The following IGF1 variants were observed in gnomAD, a reference collection of about 807,000 sequenced individuals.
IGF1 encodes the protein insulin-like growth factor 1.
A neutral mutation model predicts 13.8 loss-of-function variants in IGF1; 4 were observed. That is an observed-to-expected ratio of 0.29 (90% CI 0.14 to 0.66). The LOEUF (loss-of-function observed/expected upper bound fraction) is 0.66, where lower values mean the gene tolerates loss of function less well. IGF1 is among the 30% of genes least tolerant of loss of function. IGF1 has a pLI of 0.78. For missense variants in IGF1, 124 were observed against 188.5 expected (o/e 0.66, Z 2.00); for synonymous variants, 76 against 72.6 (o/e 1.05, Z -0.23).
At position 102,398,343 on chromosome 12, in the gene IGF1, G is replaced by A. The variant is rs1873397029; in HGVS notation, c.*4164C>T. ...AAGAATACCCAAGGGGGATTTGGCA[G>A]AAGCTATTTTTTGCAGGTAAATCTA... On this transcript the variant is annotated 3_prime_UTR_variant, in exon 4 of 4. Coordinates refer to ENST00000337514, the MANE Select transcript of IGF1 (RefSeq NM_000618.5). 6.6e-6 allele frequency: 1 copy of A among 152,554 alleles called. No homozygotes were observed. The allele number at this position is 152,554 out of a possible 1,614,324, so 9.5% of individuals were successfully genotyped here.
At chr12:102,436,041 T>C (rs1444529338) in intron 2 of IGF1, among the ~76,000 whole-genome samples, 1 of 152,236 alleles carries the variant, frequency 6.6e-6, no homozygotes, top group Non-Finnish European at 1.5e-5. Context: ...ACAGAAAGCC[T>C]TCATATCTCT....
chr12:102,448,253 G>A (rs1415261646), intron 2 of IGF1, among the ~76,000 whole-genome samples: 55 of 146,996 alleles, frequency 3.7e-4, no homozygotes, highest in Middle Eastern at 3.4e-3. Flanking sequence ...TGTTTATTGC[G>A]GCACTATTCA....
intron 2 of IGF1, among the ~76,000 whole-genome samples, chr12:102,446,460 A>T (rs1028904998): frequency 3.3e-5 from 5 of 152,038 alleles, no homozygotes; most frequent in African/African-American, 1.2e-4. Context: ...GGCAGGGTGT[A>T]TGTGTCCAGC....
At chr12:102,413,142 G>T (rs1051091067) in intron 3 of IGF1, among the ~76,000 whole-genome samples, 2 of 152,134 alleles carry the variant, frequency 1.3e-5, no homozygotes, top group Admixed American at 1.3e-4. Flanking sequence ...CATACAAACT[G>T]GATATTTCAA....
chr12:102,441,915 C>CCT (rs1877798660), intron 2 of IGF1, among the ~76,000 whole-genome samples: 1 of 122,140 alleles, frequency 8.2e-6, no homozygotes, highest in African/African-American at 3.1e-5. Flanking sequence ...TGCTTCTTCT[C>CCT]CTTCTTCTTC....
intron 2 of IGF1, among the ~76,000 whole-genome samples, chr12:102,450,075 A>T (rs1034801687): frequency 6.6e-6 from 1 of 152,162 alleles, no homozygotes; most frequent in Admixed American, 6.5e-5. Context: ...GAATGGAGAA[A>T]ATCCATCCTG....
At chr12:102,443,342 T>C (rs1418630373) in intron 2 of IGF1, among the ~76,000 whole-genome samples, 1 of 152,144 alleles carries the variant, frequency 6.6e-6, no homozygotes, top group Non-Finnish European at 1.5e-5. Flanking sequence ...GCTTTTTCTA[T>C]CTTCCTATTG....
intron 3 of IGF1, among the ~76,000 whole-genome samples, chr12:102,408,289 A>G (rs1238342469): frequency 2.0e-5 from 3 of 152,136 alleles, no homozygotes; most frequent in African/African-American, 7.2e-5. Context: ...GTGGAGGATG[A>G]TTTAGATGTC....
chr12:102,459,535 A>G (rs964932188), intron 2 of IGF1, among the ~76,000 whole-genome samples: 1 of 152,022 alleles, frequency 6.6e-6, no homozygotes, highest in Non-Finnish European at 1.5e-5. Flanking sequence ...GTAAGGCTAC[A>G]GCTTGTTTTG....
chr12:102,426,672 G>A (rs1214488434), intron 2 of IGF1, among the ~76,000 whole-genome samples: 2 of 152,142 alleles, frequency 1.3e-5, no homozygotes, highest in African/African-American at 4.8e-5. Context: ...TGTTACCTTT[G>A]ATTTGTCCCA....
chr12:102,417,078 C>A (rs1445443599), intron 3 of IGF1, among the ~76,000 whole-genome samples: 1 of 152,188 alleles, frequency 6.6e-6, no homozygotes, highest in Non-Finnish European at 1.5e-5. Context: ...AGGGCTGATA[C>A]TTTGATTTTG....
chr12:102,420,185 T>TACTAATGTGAA (rs1482942825), intron 2 of IGF1, among the ~76,000 whole-genome samples: 1 of 152,208 alleles, frequency 6.6e-6, no homozygotes, highest in Admixed American at 6.5e-5. Context: ...CTCCTCATTT[T>TACTAATGTGAA]ACTAATGTGA....
chr12:102,428,249 T>TACTATATTTACTATA lies in IGF1; in HGVS notation c.221-8560_221-8559insTATAGTAAATATAGT, dbSNP rs1555241583. ...AATCAATAATGTGTATATATATATA[T>TACTATATTTACTATA]GGCATATTAATGTTTCTAGCTAATA... is the stretch of plus-strand genomic sequence containing the variant. On this transcript the variant is annotated intron_variant, in intron 2 of 3. Coordinates refer to ENST00000337514, the MANE Select transcript of IGF1 (RefSeq NM_000618.5). Among the ~76,000 whole-genome samples, 160 of 141,172 alleles carry TACTATATTTACTATA rather than the reference T, an allele frequency of 1.1e-3. 9 individuals are homozygous for TACTATATTTACTATA. Among genetic ancestry groups the TACTATATTTACTATA allele is most frequent in the East Asian group, 0.011 (52 of 4,836 alleles). The allele number at this position is 141,172 out of a possible 152,430, so 92.6% of individuals were successfully genotyped here. A position where few individuals can be genotyped will look rare whatever the true frequency, so the allele number is the denominator to read the frequency against.
intron 1 of IGF1, among the ~76,000 whole-genome samples, chr12:102,479,336 C>T (rs553426987): frequency 6.6e-6 from 1 of 152,200 alleles, no homozygotes; most frequent in African/African-American, 2.4e-5. Context: ...GCAGAGACGT[C>T]TTATGAATTG....
At position 102,419,603 on chromosome 12, in the gene IGF1, C is replaced by T. The variant is rs777322485; in HGVS notation, c.308G>A (p.Arg103Lys). ...GGGTGCGCAATACATCTCCAGCCTC[C>T]TTAGATCACAGCTCCGGAAGCAGCA... ...DECCFRSCDL[R>K]RLEMYCAPLK... Residue 103 changes from arginine (R) to lysine (K), a missense_variant, in exon 3 of 4, where the codon AGG becomes AAG. Arg to Lys is a conservative substitution (Grantham distance 26, BLOSUM62 2). Coordinates refer to ENST00000337514, the MANE Select transcript of IGF1 (RefSeq NM_000618.5). The T allele has an allele frequency of 1.9e-6, 3 of 1,613,894 alleles. No homozygotes were observed. In the South Asian group the frequency reaches 3.3e-5, roughly 18 times the overall value.
At position 102,399,460 on chromosome 12, in the gene IGF1, G is replaced by A. The variant is rs1056625613; in HGVS notation, c.*3047C>T. ...TGAAGCAAAGCTTGTAAAGTTTTGG[G>A]TTGTGACATTTTGGTTGCTCCTTTC... On this transcript the variant is annotated 3_prime_UTR_variant, in exon 4 of 4. Transcript: ENST00000337514. 2 of 152,074 alleles carry A rather than the reference G, an allele frequency of 1.3e-5. No homozygotes were observed. Among genetic ancestry groups the A allele is most frequent in the African/African-American group, 4.8e-5 (2 of 41,428 alleles). The allele number at this position is 152,074 out of a possible 1,614,324, so 9.4% of individuals were successfully genotyped here. A position where few individuals can be genotyped will look rare whatever the true frequency, so the allele number is the denominator to read the frequency against.
chr12:102,431,106 C>T (rs142875437), intron 2 of IGF1, among the ~76,000 whole-genome samples: 2 of 152,324 alleles, frequency 1.3e-5, no homozygotes, highest in Non-Finnish European at 2.9e-5. Context: ...GGGTCTCTTT[C>T]TCTTAGCCTT....
intron 2 of IGF1, among the ~76,000 whole-genome samples, chr12:102,470,990 GAC>G (rs1483133989): frequency 1.3e-5 from 2 of 152,188 alleles, no homozygotes; most frequent in Non-Finnish European, 2.9e-5. Flanking sequence ...AAAGAAAAAT[GAC>G]AGTCTGTTTT....
intron 2 of IGF1, among the ~76,000 whole-genome samples, chr12:102,439,835 A>G (rs1592781992): frequency 6.6e-6 from 1 of 152,298 alleles, no homozygotes; most frequent in African/African-American, 2.4e-5. Context: ...TGATTATTAC[A>G]CAGAAGATTA....
Sources: gnomAD v4.1 joint callset for allele counts (sites outside exome capture counted in the v4.1 genomes callset) on GRCh38, gnomAD v4.1.1 for gene constraint, MANE v1.5 for transcripts, NCBI Gene and HGNC (gene_info 2026-07-23, HGNC 2026-07-21) for gene names.